The following ZDHHC12 variants were observed in gnomAD, a reference collection of about 807,000 sequenced individuals.
ZDHHC12 encodes the protein palmitoyltransferase ZDHHC12.
In ZDHHC12, 26 loss-of-function variants were observed where a neutral mutation model predicts 33.2. The observed-to-expected ratio is 0.78, with a 90% CI of 0.57 to 1.09. The LOEUF is 1.09. Ranked by LOEUF, ZDHHC12 falls within the 50% of genes least tolerant of loss-of-function variation. The pLI, the probability that ZDHHC12 is intolerant of heterozygous loss-of-function variation, is 0.00. For synonymous variants in ZDHHC12, 154 were observed against 152.1 expected, an observed-to-expected ratio of 1.01 and a Z score of -0.09; for missense variants, 350 against 353.0, an observed-to-expected ratio of 0.99 and a Z score of 0.07.
At position 128,723,572 on chromosome 9, in the gene ZDHHC12, A is replaced by C; in HGVS notation, c.100+422T>G. The C allele has an allele frequency of 3.6e-6, 1 of 276,286 alleles. No individual in the cohort carries two copies. Among genetic ancestry groups the C allele is most frequent in the Non-Finnish European group, 6.8e-6 (1 of 146,310 alleles). The allele number at this position is 276,286 out of a possible 1,614,324, so 17.1% of individuals were successfully genotyped here. A position where few individuals can be genotyped will look rare whatever the true frequency, so the allele number is the denominator to read the frequency against. ...GCCTGGACTTGGGCAGCTAGTGGCC[A>C]TGGGGGTGTGGGGGGTGTGGGTGTG... On this transcript the variant is annotated intron_variant, in intron 1 of 4. Coordinates refer to ENST00000372663, the MANE Select transcript of ZDHHC12 (RefSeq NM_032799.5). The surrounding 1 kb of genome is among the most constrained non-coding windows in gnomAD (Gnocchi z 4.4).
rs376237458 is a variant in ZDHHC12 at position 128,721,291 on chromosome 9, C to G, written c.694G>C (p.Asp232His). ...GCCAGGTTGCGGGTCAGGCCTCGGT[C>G]GAAGGGGTTGCTGGGGCGCTGGCGG... ...YLRQRPSNPF[D>H]RGLTRNLAHF... Residue 232 changes from aspartate to histidine, a missense_variant, in exon 5 of 5, where the codon GAC becomes CAC. Coordinates refer to ENST00000372663, the MANE Select transcript of ZDHHC12 (RefSeq NM_032799.5). The surrounding 1 kb of genome is among the most constrained non-coding windows in gnomAD (Gnocchi z 6.9). 1 of 1,596,988 alleles carries G rather than the reference C, an allele frequency of 6.3e-7. No individual in the cohort carries two copies. Among genetic ancestry groups the G allele is most frequent in the South Asian group, 1.1e-5 (1 of 88,262 alleles).
Position 128,722,105 on chromosome 9 carries a change from T to A in ZDHHC12, c.238-19A>T, listed in dbSNP as rs777847193. 1 of 1,613,686 alleles carries A rather than the reference T, an allele frequency of 6.2e-7. No individual in the cohort carries two copies. The highest frequency in any genetic ancestry group is 1.7e-5 in the Admixed American group (1 of 59,998). ...GCTCCTCCTGGAATGAGGGGTGGGG[T>A]GTAAGACAGGGTCCCCTTGGGAGAC... On this transcript the variant is annotated intron_variant, in intron 2 of 4. Coordinates refer to ENST00000372663, the MANE Select transcript of ZDHHC12 (RefSeq NM_032799.5). This position sits in a 1 kb window ranked among gnomAD's most constrained non-coding sequence, Gnocchi z 4.2.
rs1862586182 is a variant in ZDHHC12, at chr9:128,722,249, G to T, written c.238-163C>A. Among the ~76,000 whole-genome samples, 1 of 152,078 alleles carries T rather than the reference G, an allele frequency of 6.6e-6. No individual in the cohort carries two copies. Among genetic ancestry groups the T allele is most frequent in the African/African-American group, 2.4e-5 (1 of 41,392 alleles). The stretch of plus-strand genomic sequence containing the variant: ...GGCGGAGCACCCTGGACTGAGGGCG[G>T]CTGTGTATGTTTGCAAGTCTCTTCC... On this transcript the variant is annotated intron_variant, in intron 2 of 4. Coordinates refer to ENST00000372663, the MANE Select transcript of ZDHHC12 (RefSeq NM_032799.5). The surrounding 1 kb of genome is among the most constrained non-coding windows in gnomAD (Gnocchi z 4.2).
In ZDHHC12 at chr9:128,722,920, G is replaced by A; in HGVS notation, c.101-346C>T. The A allele has an allele frequency of 2.6e-6, 1 of 387,338 alleles. No individual in the cohort carries two copies. Among genetic ancestry groups the A allele is most frequent in the Non-Finnish European group, 4.3e-6 (1 of 233,140 alleles). 24.0% of individuals were successfully genotyped at this position (387,338 alleles called of 1,614,324 possible). Reference sequence around the variant, plus strand: ...GGAAGGAATGGACAGGGGGCTGCTGGGTCAAGGGAGCCAGACCTGACTGGA... The same window carrying A: ...GGAAGGAATGGACAGGGGGCTGCTGAGTCAAGGGAGCCAGACCTGACTGGA... On this transcript the variant is annotated intron_variant, in intron 1 of 4. Transcript: ENST00000372663. This position sits in a 1 kb window ranked among gnomAD's most constrained non-coding sequence, Gnocchi z 4.2.
rs2132356636 is a variant in ZDHHC12, at chr9:128,724,049, G to A, written c.45C>T (p.Thr15=). 1.9e-6 allele frequency: 3 copies of A among 1,611,206 alleles called. No individual in the cohort carries two copies. Among genetic ancestry groups the A allele is most frequent in the East Asian group, 2.2e-5 (1 of 44,724 alleles). ...ALLSPGVLVR[T]GHTVLTWGIT... is the part of the protein sequence containing the mutation. ...TTCCCCAGGTCAGCACGGTGTGCCC[G>A]GTCCGCACCAGGACCCCAGGGCTGA... Residue 15 remains threonine (T), a synonymous_variant, in exon 1 of 5, where the codon ACC becomes ACT. Coordinates refer to ENST00000372663, the MANE Select transcript of ZDHHC12 (RefSeq NM_032799.5).
chr9:128,722,477 G>A lies in ZDHHC12; in HGVS notation c.198C>T (p.Leu66=), dbSNP rs1007871825. 1 of 1,560,320 alleles carries A rather than the reference G, an allele frequency of 6.4e-7. No individual in the cohort carries two copies. Residue 66 remains leucine (L), a synonymous_variant, in exon 2 of 5, where the codon CTC becomes CTT. Transcript: ENST00000372663. This position sits in a 1 kb window ranked among gnomAD's most constrained non-coding sequence, Gnocchi z 4.2. ...GSLLLYLAVS[L]MDPGYVNVQP... ...GCACATTCACGTAGCCAGGGTCCAT[G>A]AGTGACACAGCGAGGTAGAGCAGCA...
Position 128,722,489 on chromosome 9 carries a change from G to C in ZDHHC12, c.186C>G (p.Leu62=), listed in dbSNP as rs752444458. The C allele has an allele frequency of 6.4e-7, 1 of 1,570,994 alleles. No homozygotes were observed. The highest frequency in any genetic ancestry group is 2.3e-5 in the East Asian group (1 of 42,666). Residue 62 remains leucine (L), a synonymous_variant, in exon 2 of 5, where the codon CTC becomes CTG. Coordinates refer to ENST00000372663, the MANE Select transcript of ZDHHC12 (RefSeq NM_032799.5). The surrounding 1 kb of genome is among the most constrained non-coding windows in gnomAD (Gnocchi z 4.2). The stretch of plus-strand genomic sequence containing the variant: ...AGCCAGGGTCCATGAGTGACACAGC[G>C]AGGTAGAGCAGCAGGGAGCCCAGCA... ...LLVLGSLLLY[L]AVSLMDPGYV...
Position 128,721,320 on chromosome 9 carries a change from T to A in ZDHHC12, c.665A>T (p.Tyr222Phe). 1 of 1,593,816 alleles carries A rather than the reference T, an allele frequency of 6.3e-7. No homozygotes were observed. Residue 222 changes from tyrosine to phenylalanine, a missense_variant, in exon 5 of 5, where the codon TAT (tyrosine) becomes TTT (phenylalanine). Transcript: ENST00000372663. The surrounding 1 kb of genome is among the most constrained non-coding windows in gnomAD (Gnocchi z 6.9). The part of the protein sequence containing the change: ...WEFISSHRIA[Y>F]LRQRPSNPFD... ...GGGGTTGCTGGGGCGCTGGCGGAGATAGGCGATGCGGTGTGAGGAGATGAA... is the reference window on the plus strand; with the variant it reads ...GGGGTTGCTGGGGCGCTGGCGGAGAAAGGCGATGCGGTGTGAGGAGATGAA...
Position 128,723,070 on chromosome 9 carries a change from A to G in ZDHHC12, c.101-496T>C. On this transcript the variant is annotated intron_variant, in intron 1 of 4. Coordinates refer to ENST00000372663, the MANE Select transcript of ZDHHC12 (RefSeq NM_032799.5). This position sits in a 1 kb window ranked among gnomAD's most constrained non-coding sequence, Gnocchi z 4.4. Reference sequence around the variant, plus strand: ...CAGCTGGCAGGCTCAGATGCTGCAGAGGGGCATACGGAAGGGTCCAGCAGG... The same window carrying G: ...CAGCTGGCAGGCTCAGATGCTGCAGGGGGGCATACGGAAGGGTCCAGCAGG... The G allele has an allele frequency of 5.8e-6, 1 of 172,448 alleles. No homozygotes were observed. Among genetic ancestry groups the G allele is most frequent in the Non-Finnish European group, 1.2e-5 (1 of 81,368 alleles). The allele number at this position is 172,448 out of a possible 1,614,324, so 10.7% of individuals were successfully genotyped here. A position where few individuals can be genotyped will look rare whatever the true frequency, so the allele number is the denominator to read the frequency against.
chr9:128,721,837 T>G lies in ZDHHC12; in HGVS notation c.316-20A>C. 1 of 1,608,122 alleles carries G rather than the reference T, an allele frequency of 6.2e-7. No individual in the cohort carries two copies. Among genetic ancestry groups the G allele is most frequent in the South Asian group, 1.1e-5 (1 of 90,666 alleles). ...GGGCTGCTGTGGGCATGGAGGAGAG[T>G]GGAGGCTCAGTGCCAGCCCTGCTGT... On this transcript the variant is annotated intron_variant, in intron 3 of 4. Coordinates refer to ENST00000372663, the MANE Select transcript of ZDHHC12 (RefSeq NM_032799.5). This position sits in a 1 kb window ranked among gnomAD's most constrained non-coding sequence, Gnocchi z 6.9.
chr9:128,720,942 C>G lies in ZDHHC12; in HGVS notation c.*239G>C. 1.7e-6 allele frequency: 1 copy of G among 591,084 alleles called. No individual in the cohort carries two copies. Among genetic ancestry groups the G allele is most frequent in the Middle Eastern group, 4.5e-4 (1 of 2,224 alleles). 36.6% of individuals were successfully genotyped at this position (591,084 alleles called of 1,614,324 possible). A position where few individuals can be genotyped will look rare whatever the true frequency, so the allele number is the denominator to read the frequency against. On this transcript the variant is annotated 3_prime_UTR_variant, in exon 5 of 5. Transcript: ENST00000372663. This position sits in a 1 kb window ranked among gnomAD's most constrained non-coding sequence, Gnocchi z 5.5. ...TGCACTGGCAGCAGCCTGGGCGGGG[C>G]TGGGGTGGAGCCCGGGGTCTGCTTG... is the stretch of plus-strand genomic sequence containing the variant.
chr9:128,722,558 C>A lies in ZDHHC12; in HGVS notation c.117G>T (p.Glu39Asp). ...GGGGCAGGAGCAGCTCCCCCTGCTCCTCCCATTGCCGCAGCTCTGGAGAGG... is the reference window on the plus strand; with the variant it reads ...GGGGCAGGAGCAGCTCCCCCTGCTCATCCCATTGCCGCAGCTCTGGAGAGG... ...FLHDTELRQW[E>D]EQGELLLPLT... Residue 39 changes from glutamate (E) to aspartate (D), a missense_variant, in exon 2 of 5, where the codon GAG becomes GAT. Coordinates refer to ENST00000372663, the MANE Select transcript of ZDHHC12 (RefSeq NM_032799.5). The surrounding 1 kb of genome is among the most constrained non-coding windows in gnomAD (Gnocchi z 4.2). The A allele has an allele frequency of 6.3e-7, 1 of 1,592,966 alleles. No individual in the cohort carries two copies. The highest frequency in any genetic ancestry group is 2.3e-5 in the East Asian group (1 of 44,038).
chr9:128,721,241 T>G lies in ZDHHC12; in HGVS notation c.744A>C (p.Ser248=). 1.2e-6 allele frequency: 2 copies of G among 1,605,102 alleles called. No homozygotes were observed. Among genetic ancestry groups the G allele is most frequent in the East Asian group, 4.5e-5 (2 of 44,676 alleles). ...NLAHFFCGWP[S]GSWETLWAEE... ...CAGCCCAGAGGGTCTCCCAGGACCC[T>G]GAGGGCCATCCACAGAAGAAGTGGG... The change falls in exon 5 of 5, where the codon TCA becomes TCC. Residue 248 remains serine, a synonymous_variant. Transcript: ENST00000372663. The surrounding 1 kb of genome is among the most constrained non-coding windows in gnomAD (Gnocchi z 6.9).
In ZDHHC12 at chr9:128,721,984, C is replaced by A. The variant is rs1308820920; in HGVS notation, c.315+25G>T. On this transcript the variant is annotated intron_variant, in intron 3 of 4. Transcript: ENST00000372663. This position sits in a 1 kb window ranked among gnomAD's most constrained non-coding sequence, Gnocchi z 6.9. Reference sequence around the variant, plus strand: ...AGTCTCAGCTTTGGCCCAACCTCTCCCACGGGTGTCCGTGCATCACTCACC... The same window carrying A: ...AGTCTCAGCTTTGGCCCAACCTCTCACACGGGTGTCCGTGCATCACTCACC... 6.2e-7 allele frequency: 1 copy of A among 1,613,906 alleles called. No homozygotes were observed. Among genetic ancestry groups the A allele is most frequent in the South Asian group, 1.1e-5 (1 of 91,080 alleles).
Position 128,722,321 on chromosome 9 carries a change from G to T in ZDHHC12, c.237+117C>A. ...CCTCACTACTGTAGATGGGGCTCTAGGGGTGGCAAGAGGAGTCACTGAACT... is the reference window on the plus strand; with the variant it reads ...CCTCACTACTGTAGATGGGGCTCTATGGGTGGCAAGAGGAGTCACTGAACT... On this transcript the variant is annotated intron_variant, in intron 2 of 4. Coordinates refer to ENST00000372663, the MANE Select transcript of ZDHHC12 (RefSeq NM_032799.5). The surrounding 1 kb of genome is among the most constrained non-coding windows in gnomAD (Gnocchi z 4.2). 7.7e-7 allele frequency: 1 copy of T among 1,305,138 alleles called. No homozygotes were observed. The highest frequency in any genetic ancestry group is 1.0e-6 in the Non-Finnish European group (1 of 966,450). 80.8% of individuals were successfully genotyped at this position (1,305,138 alleles called of 1,614,324 possible). A position where few individuals can be genotyped will look rare whatever the true frequency, so the allele number is the denominator to read the frequency against.
chr9:128,722,945 A>G lies in ZDHHC12; in HGVS notation c.101-371T>C. On this transcript the variant is annotated intron_variant, in intron 1 of 4. Transcript: ENST00000372663. The surrounding 1 kb of genome is among the most constrained non-coding windows in gnomAD (Gnocchi z 4.2). Reference sequence around the variant, plus strand: ...GGTCAAGGGAGCCAGACCTGACTGGATGTGGGAGAGAGGGAAGAGGGGTCC... The same window carrying G: ...GGTCAAGGGAGCCAGACCTGACTGGGTGTGGGAGAGAGGGAAGAGGGGTCC... 3.5e-6 allele frequency: 1 copy of G among 284,300 alleles called. No individual in the cohort carries two copies. Among genetic ancestry groups the G allele is most frequent in the Non-Finnish European group, 6.5e-6 (1 of 154,504 alleles). 17.6% of individuals were successfully genotyped at this position (284,300 alleles called of 1,614,324 possible).
chr9:128,724,053 CG>C lies in ZDHHC12; in HGVS notation c.40del (p.Arg14GlyfsTer7), dbSNP rs747838275. On this transcript the variant is annotated frameshift_variant, in exon 1 of 5. Transcript: ENST00000372663. LOFTEE classifies it high-confidence loss of function. The stretch of plus-strand genomic sequence containing the variant: ...CCAGGTCAGCACGGTGTGCCCGGTC[CG>C]CACCAGGACCCCAGGGCTGAGGAGC... The part of the protein sequence containing the change: ...WALLSPGVLV[R>X]TGHTVLTWGI... 7.5e-6 allele frequency: 12 copies of C among 1,610,722 alleles called. No homozygotes were observed. In the Admixed American group the frequency reaches 1.8e-4, roughly 25 times the overall value.
At position 128,723,987 on chromosome 9, in the gene ZDHHC12, G is replaced by A. The variant is rs1862647807; in HGVS notation, c.100+7C>T. ...GTGGGTCCGGGGTCGCTCGGGGTCC[G>A]GCTCACCGGTATCGTGCAGGAAGAG... On this transcript the variant is annotated splice_region_variant and intron_variant, in intron 1 of 4. Coordinates refer to ENST00000372663, the MANE Select transcript of ZDHHC12 (RefSeq NM_032799.5). The surrounding 1 kb of genome is among the most constrained non-coding windows in gnomAD (Gnocchi z 4.4). The A allele has an allele frequency of 6.2e-7, 1 of 1,610,704 alleles. No homozygotes were observed. Among genetic ancestry groups the A allele is most frequent in the Admixed American group, 1.7e-5 (1 of 59,676 alleles).
Position 128,721,059 on chromosome 9 carries a change from C to T in ZDHHC12, c.*122G>A, listed in dbSNP as rs937758882. 6 of 1,019,790 alleles carry T rather than the reference C, an allele frequency of 5.9e-6. No homozygotes were observed. The highest frequency in any genetic ancestry group is 3.5e-5 in the South Asian group (2 of 57,216). The allele number at this position is 1,019,790 out of a possible 1,614,324, so 63.2% of individuals were successfully genotyped here. On this transcript the variant is annotated 3_prime_UTR_variant, in exon 5 of 5. Transcript: ENST00000372663. This position sits in a 1 kb window ranked among gnomAD's most constrained non-coding sequence, Gnocchi z 6.9. ...CAGGGATCTGTCTGACTTGAAGCTC[C>T]GTTCTGGGGTCTGGGAGGCGTGGGC...
Sources: gnomAD v4.1 joint callset for allele counts (sites outside exome capture counted in the v4.1 genomes callset) on GRCh38, gnomAD v4.1.1 for gene constraint, Gnocchi (gnomAD v3.1) non-coding constraint, MANE v1.5 for transcripts, NCBI Gene and HGNC (gene_info 2026-07-23, HGNC 2026-07-21) for gene names.